SIRPB1: variants seen among roughly 807,000 people sequenced by gnomAD.
SIRPB1 encodes signal regulatory protein beta 1, also known as signal-regulatory protein beta-1.
Under a neutral mutation model 34.1 loss-of-function variants are expected in SIRPB1, and 28 were observed. The ratio of observed to expected loss-of-function variants is 0.82; its 90% CI spans 0.61 to 1.12. The LOEUF (loss-of-function observed/expected upper bound fraction) is 1.12. Among genes scored for constraint, SIRPB1 ranks in the 50% most tolerant of loss-of-function variants. The pLI is 0.00. For missense variants in SIRPB1, 499 were observed against 507.0 expected (o/e 0.98, Z 0.15); for synonymous variants, 211 against 203.8 (o/e 1.04, Z -0.30).
chr20:1,570,710 T>C lies in SIRPB1; in HGVS notation c.1084+95A>G. 9.5e-7 allele frequency: 1 copy of C among 1,048,706 alleles called. No individual in the cohort carries two copies. Among genetic ancestry groups the C allele is most frequent in the Non-Finnish European group, 1.4e-6 (1 of 713,682 alleles). The allele number at this position is 1,048,706 out of a possible 1,614,324, so 65.0% of individuals were successfully genotyped here. A position where few individuals can be genotyped will look rare whatever the true frequency, so the allele number is the denominator to read the frequency against. ...ATGTAGACGTTAAAATTCTACTTTA[T>C]ATTTATAGACTTCTAGCTTATTTTA... On this transcript the variant is annotated intron_variant, in intron 4 of 5. Coordinates refer to ENST00000381605, the MANE Select transcript of SIRPB1 (RefSeq NM_006065.5).
Position 1,566,158 on chromosome 20 carries a change from G to A in SIRPB1, c.1194C>T (p.Ala398=). 6.2e-7 allele frequency: 1 copy of A among 1,600,576 alleles called. No homozygotes were observed. The highest frequency in any genetic ancestry group is 2.2e-5 in the East Asian group (1 of 44,600). The change falls in exon 5 of 6, where the codon GCC becomes GCT. Residue 398 remains alanine (A), a synonymous_variant. Coordinates refer to ENST00000381605, the MANE Select transcript of SIRPB1 (RefSeq NM_006065.5). ...SAIYICWKQK[A] is the part of the protein sequence containing the mutation. ...CCTCCCTCTCCTAAACTTACAGTCA[G>A]GCCTTCTGTTTCCAGCAGATGTAGA...
chr20:1,603,526 T>C (rs1207827498), intron 1 of SIRPB1, among the ~76,000 whole-genome samples: 2 of 48,874 alleles, frequency 4.1e-5, no homozygotes, highest in African/African-American at 2.7e-4. Context: ...GAAACGGGAA[T>C]GTAACAACTG....
intron 2 of SIRPB1, among the ~76,000 whole-genome samples, chr20:1,573,327 AC>A (rs2091269125): frequency 2.8e-5 from 2 of 72,582 alleles, no homozygotes; most frequent in Non-Finnish European, 5.8e-5. Context: ...CCCAGGCCAC[AC>A]CAACAGACAG....
At position 1,571,704 on chromosome 20, in the gene SIRPB1, T is replaced by A. The variant is rs200711758; in HGVS notation, c.751+16A>T. The stretch of plus-strand genomic sequence containing the variant: ...CAGCCAGGTGTGGGCTTGGGCTGGG[T>A]GTGAGGGTCTTCTACCTCGGATGGC... On this transcript the variant is annotated intron_variant, in intron 3 of 5. Coordinates refer to ENST00000381605, the MANE Select transcript of SIRPB1 (RefSeq NM_006065.5). 2.7e-4 allele frequency: 342 copies of A among 1,244,362 alleles called. No individual in the cohort carries two copies. The highest frequency in any genetic ancestry group is 4.1e-5 in the Non-Finnish European group (36 of 886,336). 77.1% of individuals were successfully genotyped at this position (1,244,362 alleles called of 1,614,324 possible).
rs1268799343 is a variant in SIRPB1, at chr20:1,596,186, G to A, written c.77-17492C>T. Among the ~76,000 whole-genome samples, 2 of 48,884 alleles carry A rather than the reference G, an allele frequency of 4.1e-5. 1 individual carries two copies. The highest frequency in any genetic ancestry group is 7.9e-5 in the Non-Finnish European group (2 of 25,344). The allele number at this position is 48,884 out of a possible 152,430, so 32.1% of individuals were successfully genotyped here. A position where few individuals can be genotyped will look rare whatever the true frequency, so the allele number is the denominator to read the frequency against. ...GAAATATTCAGTAGTGCTTCCTGAA[G>A]AGGAAGGAGAAAGGGGACCATTTCA... On this transcript the variant is annotated intron_variant, in intron 1 of 5. Transcript: ENST00000381605.
At position 1,562,909 on chromosome 20, in the gene SIRPB1, T is replaced by G. The variant is rs2091092108; in HGVS notation, c.*2591A>C. On this transcript the variant is annotated 3_prime_UTR_variant, in exon 6 of 6. Coordinates refer to ENST00000381605, the MANE Select transcript of SIRPB1 (RefSeq NM_006065.5). Reference sequence around the variant, plus strand: ...GAAAATGCTGCAAGTGAGGTTCAAATTGAATGTGAGTGGAATTCTAGAAGT... The same window carrying G: ...GAAAATGCTGCAAGTGAGGTTCAAAGTGAATGTGAGTGGAATTCTAGAAGT... Among the ~76,000 whole-genome samples, 1 of 152,200 alleles carries G rather than the reference T, an allele frequency of 6.6e-6. No homozygotes were observed. The highest frequency in any genetic ancestry group is 1.5e-5 in the Non-Finnish European group (1 of 68,036).
Position 1,617,661 on chromosome 20 carries a change from A to T in SIRPB1, c.76+2208T>A, listed in dbSNP as rs569895633. 2.0e-4 allele frequency among the ~76,000 whole-genome samples: 30 copies of T among 152,292 alleles called. 2 individuals carry two copies. The highest frequency in any genetic ancestry group is 7.2e-4 in the African/African-American group (30 of 41,558). ...CATAACACAATTCGTAACCTCAAAAATTGTTGAAAGCAGATTTTGAGAGAT... is the reference window on the plus strand; with the variant it reads ...CATAACACAATTCGTAACCTCAAAATTTGTTGAAAGCAGATTTTGAGAGAT... On this transcript the variant is annotated intron_variant, in intron 1 of 5. Coordinates refer to ENST00000381605, the MANE Select transcript of SIRPB1 (RefSeq NM_006065.5).
rs755043007 is a variant in SIRPB1 at position 1,566,279 on chromosome 20, G to A, written c.1085-12C>T. ...AGCCAGCGCTGCTTCTGGAAATCAG[G>A]GAAGAGGAGGAGCCATGAGAGGGGC... is the stretch of plus-strand genomic sequence containing the variant. On this transcript the variant is annotated splice_polypyrimidine_tract_variant and intron_variant, in intron 4 of 5. Coordinates refer to ENST00000381605, the MANE Select transcript of SIRPB1 (RefSeq NM_006065.5). 2 of 1,563,460 alleles carry A rather than the reference G, an allele frequency of 1.3e-6. No individual in the cohort carries two copies. Among genetic ancestry groups the A allele is most frequent in the African/African-American group, 1.3e-5 (1 of 74,274 alleles).
chr20:1,571,950 A>G lies in SIRPB1; in HGVS notation c.521T>C (p.Phe174Ser). The change falls in exon 3 of 6, where the codon TTC becomes TCC. Residue 174 changes from phenylalanine to serine, a missense_variant. By Grantham distance (155) the Phe-to-Ser change is radical (BLOSUM62 -2). Transcript: ENST00000381605. ...TTTCAGGGTGATGTCTCTGGGAGAG[A>G]AGCCATGGGACTCGCAGGTGAAGCT... is the stretch of plus-strand genomic sequence containing the variant. Reference protein sequence around the residue: ...TVSFTCESHGFSPRDITLKWF... With the variant: ...TVSFTCESHGSSPRDITLKWF... 6.2e-7 allele frequency: 1 copy of G among 1,614,132 alleles called. No homozygotes were observed.
At chr20:1,587,198 G>C (rs528528335) in intron 1 of SIRPB1, among the ~76,000 whole-genome samples, 1 of 49,364 alleles carries the variant, frequency 2.0e-5, no homozygotes, top group East Asian at 5.8e-4. Context: ...TTTCACACAG[G>C]GATGTTGTGA....
rs1452916459 is a variant in SIRPB1, at chr20:1,609,262, GA to G, written c.76+10606del. Among the ~76,000 whole-genome samples, 2 of 72,192 alleles carry G rather than the reference GA, an allele frequency of 2.8e-5. 1 individual carries two copies. The highest frequency in any genetic ancestry group is 5.2e-5 in the Non-Finnish European group (2 of 38,518). 47.4% of individuals were successfully genotyped at this position (72,192 alleles called of 152,430 possible). A position where few individuals can be genotyped will look rare whatever the true frequency, so the allele number is the denominator to read the frequency against. On this transcript the variant is annotated intron_variant, in intron 1 of 5. Transcript: ENST00000381605. ...TTGCCAATATTATCTGCACAATCAG[GA>G]AAAAGCCACCTTCCTTGTCTAAGTT...
chr20:1,572,087 C>T, intron 2 of SIRPB1, 50 bp from the exon 3 acceptor site: 1 of 1,612,314 alleles, frequency 6.2e-7, no homozygotes, highest in Non-Finnish European at 8.5e-7. Flanking sequence ...ATGACCATCA[C>T]TGATGATAAG....
At position 1,611,688 on chromosome 20, in the gene SIRPB1, C is replaced by T; in HGVS notation, c.76+8181G>A. The T allele has an allele frequency of 1.2e-5, 12 of 986,814 alleles. 3 individuals are homozygous for T. Among genetic ancestry groups the T allele is most frequent in the Non-Finnish European group, 1.4e-5 (10 of 733,912 alleles). The allele number at this position is 986,814 out of a possible 1,614,324, so 61.1% of individuals were successfully genotyped here. A position where few individuals can be genotyped will look rare whatever the true frequency, so the allele number is the denominator to read the frequency against. ...ATATGGACTTGTCAGGCTGAATCAC[C>T]TGCAGCTCTTCCTCGCCAGCTACCC... On this transcript the variant is annotated intron_variant, in intron 1 of 5. Coordinates refer to ENST00000381605, the MANE Select transcript of SIRPB1 (RefSeq NM_006065.5).
Position 1,564,945 on chromosome 20 carries a change from T to C in SIRPB1, c.*555A>G. ...CCACAAGCAGCAGGACTGGGAAGGC[T>C]GCAGGATACTAGAAGAAATACTGTC... On this transcript the variant is annotated 3_prime_UTR_variant, in exon 6 of 6. Transcript: ENST00000381605. 2.5e-6 allele frequency: 1 copy of C among 398,612 alleles called. No individual in the cohort carries two copies. 24.7% of individuals were successfully genotyped at this position (398,612 alleles called of 1,614,324 possible).
intron 5 of SIRPB1, 32 bp from the exon 6 acceptor site, chr20:1,565,529 T>G (rs2253814): frequency 0.79 from 115,763 of 146,394 alleles, 46,327 homozygotes; most frequent in African/African-American, 0.88. Flanking sequence ...AAGGAGCTGT[T>G]GGAAAACACA....
chr20:1,594,160 G>C lies in SIRPB1; in HGVS notation c.77-15466C>G, dbSNP rs920475841. On this transcript the variant is annotated intron_variant, in intron 1 of 5. Coordinates refer to ENST00000381605, the MANE Select transcript of SIRPB1 (RefSeq NM_006065.5). Reference sequence around the variant, plus strand: ...GGAGGTTGCAGTGAGCTGAGATTGCGCCATTGCACTCCAGCCTGGGCAACA... The same window carrying C: ...GGAGGTTGCAGTGAGCTGAGATTGCCCCATTGCACTCCAGCCTGGGCAACA... Among the ~76,000 whole-genome samples the C allele has an allele frequency of 4.1e-5, 2 of 48,452 alleles. 1 individual carries two copies. The highest frequency in any genetic ancestry group is 2.8e-4 in the Admixed American group (2 of 7,260). 31.8% of individuals were successfully genotyped at this position (48,452 alleles called of 152,430 possible).
Position 1,597,743 on chromosome 20 carries a change from A to G in SIRPB1, c.77-19049T>C, listed in dbSNP as rs1364618391. ...CTCCTTAAAACCAGGATGAGTGTTA[A>G]TTTGTATTCAGGAGGCAATAGAGAA... is the stretch of plus-strand genomic sequence containing the variant. On this transcript the variant is annotated intron_variant, in intron 1 of 5. Coordinates refer to ENST00000381605, the MANE Select transcript of SIRPB1 (RefSeq NM_006065.5). 4.8e-5 allele frequency: 17 copies of G among 357,448 alleles called. 7 individuals are homozygous for G. In the South Asian group the frequency reaches 2.5e-3, roughly 54 times the overall value. 22.1% of individuals were successfully genotyped at this position (357,448 alleles called of 1,614,324 possible). A position where few individuals can be genotyped will look rare whatever the true frequency, so the allele number is the denominator to read the frequency against.
chr20:1,610,704 C>T lies in SIRPB1; in HGVS notation c.76+9165G>A, dbSNP rs528173293. 4.8e-4 allele frequency among the ~76,000 whole-genome samples: 35 copies of T among 72,420 alleles called. 15 individuals carry two copies. The highest frequency in any genetic ancestry group is 2.9e-3 in the African/African-American group (33 of 11,358). The allele number at this position is 72,420 out of a possible 152,430, so 47.5% of individuals were successfully genotyped here. A position where few individuals can be genotyped will look rare whatever the true frequency, so the allele number is the denominator to read the frequency against. On this transcript the variant is annotated intron_variant, in intron 1 of 5. Transcript: ENST00000381605. ...AAATAGACCCACAGCAAATGCCAAA[C>T]GTATTGGCATCTCCTCCCACCAGGC...
At chr20:1,567,690 C>G (rs997117110) in intron 4 of SIRPB1, among the ~76,000 whole-genome samples, 1 of 152,172 alleles carries the variant, frequency 6.6e-6, no homozygotes, top group Non-Finnish European at 1.5e-5. Context: ...TTCACTGGCA[C>G]TAAACTGGGA....
Sources: allele counts gnomAD v4.1 joint callset (sites outside exome capture counted in the v4.1 genomes callset), GRCh38; gene constraint gnomAD v4.1.1; transcripts MANE v1.5; gene names NCBI Gene and HGNC (gene_info 2026-07-23, HGNC 2026-07-21).